Variants in MEGF6 observed in about 807,000 individuals in gnomAD.
The protein encoded by MEGF6 is multiple EGF like domains 6.
A neutral mutation model predicts 207.1 loss-of-function variants in MEGF6; 184 were observed. The observed-to-expected ratio is 0.89, with a 90% CI of 0.79 to 1.00. MEGF6 has a LOEUF of 1.00. Ranked by LOEUF, MEGF6 falls within the 50% of genes least tolerant of loss-of-function variation. The pLI is 0.00. For missense variants in MEGF6, 2,282 were observed against 2,202.9 expected (o/e 1.04, Z -0.72); for synonymous variants, 1,038 against 910.0 (o/e 1.14, Z -2.53).
At chr1:3,533,132 T>G (rs1382447204) in intron 4 of MEGF6, among the ~76,000 whole-genome samples, 1 of 152,172 alleles carries the variant, frequency 6.6e-6, no homozygotes, top group Non-Finnish European at 1.5e-5. Context: ...AGAGACAGTC[T>G]CTGCTGATCC....
intron 2 of MEGF6, among the ~76,000 whole-genome samples, chr1:3,597,897 A>G (rs1644093644): frequency 6.6e-6 from 1 of 152,188 alleles, no homozygotes; most frequent in African/African-American, 2.4e-5. Flanking sequence ...ACCGCGTGGT[A>G]CCTGCCCAGG....
intron 2 of MEGF6, among the ~76,000 whole-genome samples, chr1:3,595,818 T>G (rs1349717437): frequency 2.0e-4 from 31 of 152,140 alleles, no homozygotes; most frequent in Admixed American, 2.0e-3. Context: ...GGCAGGTCTG[T>G]GAGCATCTCG....
At chr1:3,606,908 GGAGATGACACA>G (rs1644257534) in intron 1 of MEGF6, among the ~76,000 whole-genome samples, 1 of 152,130 alleles carries the variant, frequency 6.6e-6, no homozygotes, top group African/African-American at 2.4e-5. Flanking sequence ...ATCTCAGGAT[GGAGATGACACA>G]GAGAGGGCAG....
intron 11 of MEGF6, 58 bp from the exon 12 acceptor site, chr1:3,509,303 C>T (rs2794359): frequency 3.6e-6 from 5 of 1,373,758 alleles, no homozygotes; most frequent in Non-Finnish European, 4.7e-6. Context: ...CTCCAGCGAC[C>T]CCCCGGCGGG....
intron 28 of MEGF6, 23 bp downstream of exon 28, chr1:3,496,964 TG>T (rs780977197): frequency 6.5e-7 from 1 of 1,546,706 alleles, no homozygotes; most frequent in Non-Finnish European, 8.7e-7. Flanking sequence ...GCCGAGTCCC[TG>T]GGTGGGCACG....
At position 3,492,745 on chromosome 1, in the gene MEGF6, C is replaced by T. The variant is rs61746558; in HGVS notation, c.4410G>A (p.Gly1470=). Residue 1470 remains glycine (G), a synonymous_variant, in exon 35 of 37, where the codon GGG becomes GGA. Transcript: ENST00000356575. ...AGTCACAGTGCAGGGTGCAGCTGGG[C>T]CCAAACTGGCCCCTTCTGCAATCTG... ...CNLDCRRGQF[G]PSCTLHCDCG... is the part of the protein sequence containing the mutation. 571 of 1,612,202 alleles carry T rather than the reference C, an allele frequency of 3.5e-4. 3 individuals are homozygous for T. In the African/African-American group the frequency reaches 6.6e-3, roughly 19 times the overall value.
intron 5 of MEGF6, among the ~76,000 whole-genome samples, chr1:3,520,548 C>T (rs1641706178): frequency 6.6e-6 from 1 of 152,150 alleles, no homozygotes; most frequent in African/African-American, 2.4e-5. Flanking sequence ...ACCCCAGAGA[C>T]CGGGCGCCCT....
chr1:3,605,202 ACAGT>A (rs1644226003), intron 1 of MEGF6, among the ~76,000 whole-genome samples: 1 of 151,950 alleles, frequency 6.6e-6, no homozygotes, highest in East Asian at 1.9e-4. Flanking sequence ...ACCCACACAC[ACAGT>A]CACACACACT....
Position 3,505,477 on chromosome 1 carries a change from CTT to C in MEGF6, c.1996_1997del (p.Lys666GlufsTer21), listed in dbSNP as rs780671821. 2.5e-6 allele frequency: 4 copies of C among 1,610,656 alleles called. No individual in the cohort carries two copies. Among genetic ancestry groups the C allele is most frequent in the Admixed American group, 1.7e-5 (1 of 59,780 alleles). Reference protein sequence around the residue: ...CVQPHTQSCDKRDGSCSCKAG... With the variant: ...CVQPHTQSCDXRDGSCSCKAG... ...CCTTGCAGGAGCAGCTGCCATCCCT[CTT>C]GTCACAGGACTGCGTGTGGGGCTGC... On this transcript the variant is annotated frameshift_variant, in exon 16 of 37. Transcript: ENST00000356575. LOFTEE classifies it high-confidence loss of function.
In MEGF6 at chr1:3,492,641, T is replaced by A. The variant is rs1374457997; in HGVS notation, c.4514A>T (p.Glu1505Val). 1 of 1,608,384 alleles carries A rather than the reference T, an allele frequency of 6.2e-7. No individual in the cohort carries two copies. Among genetic ancestry groups the A allele is most frequent in the Non-Finnish European group, 8.5e-7 (1 of 1,176,358 alleles). The change falls in exon 35 of 37, where the codon GAA becomes GTA. Residue 1505 changes from glutamate to valine, a missense_variant and splice_region_variant. By Grantham distance (121) the Glu-to-Val change is moderately radical. Transcript: ENST00000356575. ...CTTCCCCAGGAAGCCCAGCTCACCT[T>A]CCCGGCACGTGGGCCCCATGTAGCC... ...VDGYMGPTCREGGPLRLPENP... is the reference protein window; with the variant it reads ...VDGYMGPTCRVGGPLRLPENP...
At position 3,582,914 on chromosome 1, in the gene MEGF6, C is replaced by T. The variant is rs556874420; in HGVS notation, c.377-2985G>A. Reference sequence around the variant, plus strand: ...TGACAGCTCACTTCCCATGCCAGGCCCTGGGCTCCCTGAGAGCAGCCCCCA... The same window carrying T: ...TGACAGCTCACTTCCCATGCCAGGCTCTGGGCTCCCTGAGAGCAGCCCCCA... On this transcript the variant is annotated intron_variant, in intron 3 of 36. Transcript: ENST00000356575. Among the ~76,000 whole-genome samples the T allele has an allele frequency of 6.6e-5, 10 of 152,314 alleles. No homozygotes were observed. In the East Asian group the frequency reaches 1.9e-3, roughly 29 times the overall value.
At chr1:3,566,064 G>A (rs1643336171) in intron 4 of MEGF6, among the ~76,000 whole-genome samples, 1 of 152,210 alleles carries the variant, frequency 6.6e-6, no homozygotes, top group Admixed American at 6.5e-5. Context: ...AGGCTGACCT[G>A]GGTAGCAGAC....
chr1:3,553,486 C>A (rs983971101), intron 4 of MEGF6, among the ~76,000 whole-genome samples: 8 of 152,182 alleles, frequency 5.3e-5, no homozygotes, highest in African/African-American at 1.7e-4. Context: ...GCTGGAGCCA[C>A]GGGAGAGAGG....
chr1:3,501,441 G>A (rs938400227), intron 18 of MEGF6, 133 bp from the exon 19 acceptor site: 12 of 1,328,624 alleles, frequency 9.0e-6, no homozygotes, highest in African/African-American at 1.5e-5. Context: ...CTGCCCCGGG[G>A]AGGGGAGAGG....
rs542156264 is a variant in MEGF6, at chr1:3,590,499, C to T, written c.376+4839G>A. On this transcript the variant is annotated intron_variant, in intron 3 of 36. Transcript: ENST00000356575. ...AGCCCCGGTCATGAGGCCCCACCGC[C>T]CCGCCCGGCACTAAGTAAGTGGCTC... 7.7e-4 allele frequency among the ~76,000 whole-genome samples: 117 copies of T among 152,350 alleles called. 1 individual carries two copies. Among genetic ancestry groups the T allele is most frequent in the African/African-American group, 2.7e-3 (112 of 41,580 alleles).
chr1:3,506,339 A>T, intron 14 of MEGF6, 103 bp from the exon 15 acceptor site: 1 of 1,391,284 alleles, frequency 7.2e-7, no homozygotes, highest in Non-Finnish European at 9.7e-7. Flanking sequence ...CCAGCACAGG[A>T]GCTGGGAGCA....
chr1:3,524,028 TC>T, intron 5 of MEGF6, 95 bp downstream of exon 5: 1 of 1,419,640 alleles, frequency 7.0e-7, no homozygotes, highest in South Asian at 1.3e-5. Context: ...CCTCTCCATG[TC>T]CACAGCCACC....
At position 3,495,917 on chromosome 1, in the gene MEGF6, C is replaced by G; in HGVS notation, c.3844G>C (p.Gly1282Arg). Residue 1282 changes from glycine (G) to arginine (R), a missense_variant, in exon 30 of 37, where the codon GGG (glycine) becomes CGG (arginine). By Grantham distance (125) the Gly-to-Arg change is moderately radical. Transcript: ENST00000356575. Reference sequence around the variant, plus strand: ...CGCTCACAGCGGACGCCGGCTCTCCCCGGGGGGCAGAGGCAGGTGCCGGTC... The same window carrying G: ...CGCTCACAGCGGACGCCGGCTCTCCGCGGGGGGCAGAGGCAGGTGCCGGTC... ...PVTGTCLCPP[G>R]RAGVRCERGC... The G allele has an allele frequency of 6.3e-7, 1 of 1,597,792 alleles. No individual in the cohort carries two copies. Among genetic ancestry groups the G allele is most frequent in the Non-Finnish European group, 8.5e-7 (1 of 1,179,004 alleles).
chr1:3,599,895 C>T (rs563154647), intron 2 of MEGF6, among the ~76,000 whole-genome samples: 61 of 152,336 alleles, frequency 4.0e-4, no homozygotes, highest in African/African-American at 1.4e-3. Context: ...AAGGGTTAGG[C>T]TCTGACAGGC....
Sources: allele counts gnomAD v4.1 joint callset (sites outside exome capture counted in the v4.1 genomes callset), GRCh38; gene constraint gnomAD v4.1.1; transcripts MANE v1.5; gene names NCBI Gene and HGNC (gene_info 2026-07-23, HGNC 2026-07-21).